MORC3: variants seen among roughly 807,000 people sequenced by gnomAD.
The protein encoded by MORC3 is MORC family CW-type zinc finger 3, also known as MORC family CW-type zinc finger protein 3.
In MORC3, 31 loss-of-function variants were observed where a neutral mutation model predicts 109.1. The ratio of observed to expected loss-of-function variants is 0.28; its 90% CI spans 0.21 to 0.38. The LOEUF is 0.38. Among genes scored for constraint, MORC3 ranks in the 10% least tolerant of loss-of-function variants. The pLI, the probability that MORC3 is intolerant of heterozygous loss-of-function variation, is 1.00. For missense variants in MORC3, 867 were observed against 1,135.8 expected, an observed-to-expected ratio of 0.76 and a Z score of 3.40; for synonymous variants, 395 against 380.7, an observed-to-expected ratio of 1.04 and a Z score of -0.44.
chr21:36,332,087 G>A (rs1394952236), intron 1 of MORC3, among the ~76,000 whole-genome samples: 1 of 151,922 alleles, frequency 6.6e-6, no homozygotes, highest in Admixed American at 6.6e-5. Flanking sequence ...GCTGCAGTGA[G>A]CTATGATTGC....
rs913141442 is a variant in MORC3 at position 36,373,751 on chromosome 21, C to T, written c.2666+1220C>T. On this transcript the variant is annotated intron_variant, in intron 16 of 16. Transcript: ENST00000400485. ...TCCGCATTATCAGACTAAGGAAGAACATCTTGATCCCTTCATAGATTTCCA... is the reference window on the plus strand; with the variant it reads ...TCCGCATTATCAGACTAAGGAAGAATATCTTGATCCCTTCATAGATTTCCA... Among the ~76,000 whole-genome samples, 5 of 152,212 alleles carry T rather than the reference C, an allele frequency of 3.3e-5. No individual in the cohort carries two copies. In the South Asian group the frequency reaches 6.2e-4, roughly 19 times the overall value.
chr21:36,347,981 G>GT (rs2085529604), intron 8 of MORC3: 1 of 152,176 alleles, frequency 6.6e-6, no homozygotes, highest in African/African-American at 2.4e-5. Flanking sequence ...GAACCTGATG[G>GT]TTTTTAATAG....
chr21:36,351,056 CCTT>C (rs1794577418), intron 9 of MORC3, among the ~76,000 whole-genome samples: 1 of 116,040 alleles, frequency 8.6e-6, no homozygotes, highest in African/African-American at 3.2e-5. Context: ...CGGTTGTCCT[CCTT>C]TTTTTTTTTT....
chr21:36,344,273 T>A (rs536739611), intron 6 of MORC3, among the ~76,000 whole-genome samples: 6 of 152,300 alleles, frequency 3.9e-5, no homozygotes, highest in Admixed American at 1.3e-4. Context: ...ATACATTTTT[T>A]AAAATTAAAA....
At chr21:36,327,785 A>G (rs1176388599) in intron 1 of MORC3, among the ~76,000 whole-genome samples, 3 of 145,832 alleles carry the variant, frequency 2.1e-5, no homozygotes, top group East Asian at 1.9e-4. Flanking sequence ...CAGTTTGGTG[A>G]CTGAAATTTT....
chr21:36,362,155 C>T, intron 12 of MORC3, 28 bp from the exon 13 acceptor site: 1 of 1,605,890 alleles, frequency 6.2e-7, no homozygotes. Flanking sequence ...TGAGAAATAA[C>T]AACATGTTTT....
chr21:36,344,149 G>C (rs374225639), intron 6 of MORC3, among the ~76,000 whole-genome samples: 1 of 151,524 alleles, frequency 6.6e-6, no homozygotes, highest in Non-Finnish European at 1.5e-5. Context: ...TTTTGAGGTG[G>C]GGGGGTCTCC....
intron 15 of MORC3, among the ~76,000 whole-genome samples, chr21:36,371,122 A>G (rs113826535): frequency 6.1e-4 from 93 of 152,204 alleles, no homozygotes; most frequent in African/African-American, 2.1e-3. Flanking sequence ...GCTTCTTCAT[A>G]TGCCCCTACT....
At position 36,356,522 on chromosome 21, in the gene MORC3, G is replaced by GT. The variant is rs777921764; in HGVS notation, c.1104-92dup. ...TTCTTTATTAACTATATGTTTTGGAGTTTTTTCTCTTCACAGTGTCTATGT... is the reference window on the plus strand; with the variant it reads ...TTCTTTATTAACTATATGTTTTGGAGTTTTTTTCTCTTCACAGTGTCTATGT... On this transcript the variant is annotated intron_variant, in intron 9 of 16. Coordinates refer to ENST00000400485, the MANE Select transcript of MORC3 (RefSeq NM_015358.3). 7.8e-6 allele frequency: 5 copies of GT among 640,902 alleles called. 1 individual carries two copies. The highest frequency in any genetic ancestry group is 7.7e-5 in the South Asian group (3 of 38,868). 39.7% of individuals were successfully genotyped at this position (640,902 alleles called of 1,614,324 possible).
At position 36,375,976 on chromosome 21, in the gene MORC3, A is replaced by T. The variant is rs2146349904; in HGVS notation, c.*680A>T. The T allele has an allele frequency of 6.6e-6, 1 of 152,346 alleles. No individual in the cohort carries two copies. The highest frequency in any genetic ancestry group is 1.5e-5 in the Non-Finnish European group (1 of 68,032). 9.4% of individuals were successfully genotyped at this position (152,346 alleles called of 1,614,324 possible). A position where few individuals can be genotyped will look rare whatever the true frequency, so the allele number is the denominator to read the frequency against. ...TCTTTAACAGAAAAAAGGTATTGAA[A>T]TATTAAATGGCCACCAAGTTTACTT... On this transcript the variant is annotated 3_prime_UTR_variant, in exon 17 of 17. Transcript: ENST00000400485.
At chr21:36,323,977 G>A (rs973530308) in intron 1 of MORC3, among the ~76,000 whole-genome samples, 7 of 152,006 alleles carry the variant, frequency 4.6e-5, no homozygotes, top group African/African-American at 1.7e-4. Flanking sequence ...CCGGGTTCAA[G>A]CGATTCTCCC....
At position 36,344,595 on chromosome 21, in the gene MORC3, T is replaced by C. The variant is rs2085487366; in HGVS notation, c.773T>C (p.Leu258Ser). The C allele has an allele frequency of 6.2e-7, 1 of 1,613,750 alleles. No individual in the cohort carries two copies. The highest frequency in any genetic ancestry group is 8.5e-7 in the Non-Finnish European group (1 of 1,179,952). Residue 258 changes from leucine (L) to serine (S), a missense_variant, in exon 7 of 17, where the codon TTA (leucine) becomes TCA (serine). By Grantham distance (145) the Leu-to-Ser change is moderately radical. Coordinates refer to ENST00000400485, the MANE Select transcript of MORC3 (RefSeq NM_015358.3). The part of the protein sequence containing the change: ...DYSLRAYCSI[L>S]YLKPRMQIIL... ...ATTTTCCAGGCTTATTGCAGTATAT[T>C]ATATCTAAAGCCAAGAATGCAGATC...
intron 6 of MORC3, among the ~76,000 whole-genome samples, chr21:36,341,806 G>A (rs1405046767): frequency 6.6e-6 from 1 of 152,086 alleles, no homozygotes; most frequent in Non-Finnish European, 1.5e-5. Flanking sequence ...TTATGAAGTC[G>A]TCAGGCCTAA....
In MORC3 at chr21:36,369,246, C is replaced by T. The variant is rs767882176; in HGVS notation, c.1878C>T (p.Ser626=). 1 of 1,614,158 alleles carries T rather than the reference C, an allele frequency of 6.2e-7. No homozygotes were observed. Among genetic ancestry groups the T allele is most frequent in the South Asian group, 1.1e-5 (1 of 91,074 alleles). ...CTTGTGGCCAGACTGGTTCAACAAG[C>T]ACCTCATCATCCCGATGCGACCAGG... ...SEPCGQTGST[S]TSSSRCDQGN... Residue 626 remains serine, a synonymous_variant, in exon 15 of 17, where the codon AGC becomes AGT. Transcript: ENST00000400485.
At chr21:36,325,548 A>G (rs902325888) in intron 1 of MORC3, among the ~76,000 whole-genome samples, 11 of 152,236 alleles carry the variant, frequency 7.2e-5, no homozygotes, top group Non-Finnish European at 1.2e-4. Context: ...TTGTGTAATA[A>G]CCAGTCTCCA....
intron 13 of MORC3, among the ~76,000 whole-genome samples, chr21:36,362,512 C>T (rs979748837): frequency 3.9e-5 from 6 of 151,900 alleles, no homozygotes; most frequent in Admixed American, 1.3e-4. Context: ...CATTGCACTG[C>T]GGTCTGGGCC....
At chr21:36,327,103 C>T (rs980944329) in intron 1 of MORC3, among the ~76,000 whole-genome samples, 6 of 151,014 alleles carry the variant, frequency 4.0e-5, no homozygotes, top group African/African-American at 1.5e-4. Flanking sequence ...CAGGCGTGAG[C>T]CAGCGCGCCT....
intron 12 of MORC3, among the ~76,000 whole-genome samples, chr21:36,361,413 G>T (rs746499342): frequency 1.3e-5 from 2 of 151,146 alleles, no homozygotes; most frequent in African/African-American, 2.4e-5. Context: ...GTGTGGTGGT[G>T]CATGCTGTAA....
chr21:36,323,490 G>A (rs2085215061), intron 1 of MORC3, among the ~76,000 whole-genome samples: 1 of 151,948 alleles, frequency 6.6e-6, no homozygotes, highest in Non-Finnish European at 1.5e-5. Context: ...TGTTAGTGGT[G>A]GAGAATATCC....
Sources: gnomAD v4.1 joint callset for allele counts (sites outside exome capture counted in the v4.1 genomes callset) on GRCh38, gnomAD v4.1.1 for gene constraint, MANE v1.5 for transcripts, NCBI Gene and HGNC (gene_info 2026-07-23, HGNC 2026-07-21) for gene names.